Variants in ARHGAP21 observed in about 807,000 individuals in gnomAD.
ARHGAP21 encodes rho GTPase-activating protein 21.
Under a neutral mutation model 164.6 loss-of-function variants are expected in ARHGAP21, and 38 were observed. That is an observed-to-expected ratio of 0.23 (90% CI 0.18 to 0.30). The LOEUF (loss-of-function observed/expected upper bound fraction) is 0.30. Ranked by LOEUF, ARHGAP21 falls within the 10% of genes least tolerant of loss-of-function variation. The probability of loss-of-function intolerance (pLI) is 1.00; values close to 1 mark genes in which losing one functional copy is unlikely to be tolerated. For synonymous variants in ARHGAP21, 766 were observed against 857.9 expected, an observed-to-expected ratio of 0.89 and a Z score of 1.87; for missense variants, 1,822 against 2,370.7, an observed-to-expected ratio of 0.77 and a Z score of 4.81.
In ARHGAP21 at chr10:24,596,876, G is replaced by A. The variant is rs746946721; in HGVS notation, c.3341C>T (p.Thr1114Ile). Residue 1114 changes from threonine (T) to isoleucine (I), a missense_variant, in exon 17 of 26, where the codon ACC (threonine) becomes ATC (isoleucine). This residue lies in a region of ARHGAP21 where 1,090 missense variants were observed against 1,378.9 expected (regional missense o/e 0.79). Transcript: ENST00000396432. ...SERKLLSKDDTSPPKDKGTWR... is the reference protein window; with the variant it reads ...SERKLLSKDDISPPKDKGTWR... ...TGTGCCTTTGTCTTTTGGGGGACTG[G>A]TATCATCTTTTGATTGCCAGTCAAA... 39 of 1,597,352 alleles carry A rather than the reference G, an allele frequency of 2.4e-5. No individual in the cohort carries two copies. The highest frequency in any genetic ancestry group is 4.3e-6 in the Non-Finnish European group (5 of 1,175,806).
intron 2 of ARHGAP21, among the ~76,000 whole-genome samples, chr10:24,694,855 C>T (rs1001777493): frequency 6.6e-6 from 1 of 151,866 alleles, no homozygotes; most frequent in African/African-American, 2.4e-5. Context: ...AGTTCAAAAC[C>T]AGCCTGGCCA....
intron 2 of ARHGAP21, among the ~76,000 whole-genome samples, chr10:24,710,991 G>A (rs1230848687): frequency 6.6e-6 from 1 of 151,114 alleles, no homozygotes; most frequent in East Asian, 2.0e-4. Flanking sequence ...CTACTTGGGA[G>A]GCTGAGGCAG....
chr10:24,614,755 G>A (rs1318633741), intron 9 of ARHGAP21, among the ~76,000 whole-genome samples: 2 of 142,138 alleles, frequency 1.4e-5, no homozygotes, highest in African/African-American at 2.6e-5. Context: ...TGCACTCCAG[G>A]CTGGGTGACA....
rs528081080 is a variant in ARHGAP21 at position 24,705,818 on chromosome 10, G to A, written c.63+16019C>T. On this transcript the variant is annotated intron_variant, in intron 2 of 25. Coordinates refer to ENST00000396432, the MANE Select transcript of ARHGAP21 (RefSeq NM_020824.4). ...AACTGGAACAAAAGCTATCATTCAC[G>A]TTGCTTTCTATTCTGTAAAAGAAGC... is the stretch of plus-strand genomic sequence containing the variant. Among the ~76,000 whole-genome samples, 38 of 152,194 alleles carry A rather than the reference G, an allele frequency of 2.5e-4. No homozygotes were observed. In the East Asian group the frequency reaches 5.4e-3, roughly 22 times the overall value.
At chr10:24,631,285 A>C (rs1309633776) in intron 6 of ARHGAP21, among the ~76,000 whole-genome samples, 2 of 152,124 alleles carry the variant, frequency 1.3e-5, no homozygotes, top group Non-Finnish European at 2.9e-5. Context: ...AATTGCTTGA[A>C]CCTGGGAGGC....
At chr10:24,676,340 T>C (rs960114244) in intron 2 of ARHGAP21, among the ~76,000 whole-genome samples, 1 of 152,240 alleles carries the variant, frequency 6.6e-6, no homozygotes, top group African/African-American at 2.4e-5. Flanking sequence ...GTTACAAAAG[T>C]GTACTGCATT....
Position 24,590,506 on chromosome 10 carries a change from T to C in ARHGAP21, c.4150+719A>G, listed in dbSNP as rs1234160568. ...TGTTCAACATCAGTATAGATTTGCC[T>C]GTGTCAGTAAGAGCTGAAAAAACCC... is the stretch of plus-strand genomic sequence containing the variant. On this transcript the variant is annotated intron_variant, in intron 24 of 25. Coordinates refer to ENST00000396432, the MANE Select transcript of ARHGAP21 (RefSeq NM_020824.4). The C allele has an allele frequency of 2.6e-6, 4 of 1,533,012 alleles. No individual in the cohort carries two copies. In the Admixed American group the frequency reaches 7.9e-5, roughly 30 times the overall value. The allele number at this position is 1,533,012 out of a possible 1,614,324, so 95.0% of individuals were successfully genotyped here.
At chr10:24,683,686 C>T (rs1841980482) in intron 2 of ARHGAP21, among the ~76,000 whole-genome samples, 1 of 152,054 alleles carries the variant, frequency 6.6e-6, no homozygotes, top group South Asian at 2.1e-4. Flanking sequence ...ACTCAGAAAC[C>T]TGGTCTAGGC....
At chr10:24,650,622 A>G (rs56214051) in intron 4 of ARHGAP21, among the ~76,000 whole-genome samples, 29,184 of 152,162 alleles carry the variant, frequency 0.19, 3,111 homozygotes, top group Middle Eastern at 0.37. Flanking sequence ...GTTCAAAATA[A>G]AAGATTAAAC....
chr10:24,648,647 G>C (rs961874296), intron 4 of ARHGAP21, among the ~76,000 whole-genome samples: 3 of 152,238 alleles, frequency 2.0e-5, no homozygotes. Context: ...AGGCGTGGTG[G>C]TAGGTGCCTA....
At chr10:24,640,634 T>A (rs1836905764) in intron 4 of ARHGAP21, among the ~76,000 whole-genome samples, 1 of 152,106 alleles carries the variant, frequency 6.6e-6, no homozygotes, top group African/African-American at 2.4e-5. Flanking sequence ...GCATCAGCTA[T>A]TTAAGGGAAA....
At chr10:24,596,135 A>C (rs1224151142) in intron 17 of ARHGAP21, 92 bp from the exon 18 acceptor site, 4 of 1,109,714 alleles carry the variant, frequency 3.6e-6, no homozygotes, top group African/African-American at 1.6e-5. Flanking sequence ...ATCCAAAAGG[A>C]AACATAAATT....
intron 1 of ARHGAP21, 31 bp downstream of exon 1, chr10:24,723,531 G>C (rs1053157016): frequency 2.7e-5 from 4 of 147,322 alleles, no homozygotes; most frequent in African/African-American, 9.8e-5. Context: ...GCGCCCTCTC[G>C]GCTGAGACGG....
chr10:24,620,674 T>C lies in ARHGAP21; in HGVS notation c.1221A>G (p.Thr407=). Residue 407 remains threonine (T), a synonymous_variant, in exon 9 of 26, where the codon ACA becomes ACG. Coordinates refer to ENST00000396432, the MANE Select transcript of ARHGAP21 (RefSeq NM_020824.4). ...TTAAACTATCTAATCTTTCTTGTAT[T>C]GTCCGACAACCTATGTGCAATCGTC... is the stretch of plus-strand genomic sequence containing the variant. The part of the protein sequence containing the change: ...DNRRLHIGCR[T]IQERLDSLRA... The C allele has an allele frequency of 1.2e-6, 2 of 1,614,222 alleles. No homozygotes were observed. The highest frequency in any genetic ancestry group is 1.7e-6 in the Non-Finnish European group (2 of 1,180,032).
Position 24,591,700 on chromosome 10 carries a change from G to A in ARHGAP21, c.4003-17C>T. 2 of 1,613,716 alleles carry A rather than the reference G, an allele frequency of 1.2e-6. No individual in the cohort carries two copies. The highest frequency in any genetic ancestry group is 1.7e-6 in the Non-Finnish European group (2 of 1,179,674). ...CCAGTCATGCTAAAATTTAAAAAAGGTGAGAAGAGAAATTAAACAAGCCTT... is the reference window on the plus strand; with the variant it reads ...CCAGTCATGCTAAAATTTAAAAAAGATGAGAAGAGAAATTAAACAAGCCTT... On this transcript the variant is annotated splice_polypyrimidine_tract_variant and intron_variant, in intron 22 of 25. Coordinates refer to ENST00000396432, the MANE Select transcript of ARHGAP21 (RefSeq NM_020824.4).
intron 2 of ARHGAP21, among the ~76,000 whole-genome samples, chr10:24,697,456 G>T (rs571213446): frequency 6.6e-6 from 1 of 151,888 alleles, no homozygotes; most frequent in South Asian, 2.1e-4. Flanking sequence ...GGCTCCCCTC[G>T]TTTCCTTTCA....
At chr10:24,695,050 CAAAAAAAAA>C (rs570457905) in intron 2 of ARHGAP21, among the ~76,000 whole-genome samples, 1 of 78,506 alleles carries the variant, frequency 1.3e-5, no homozygotes, top group African/African-American at 4.9e-5. Context: ...AATTCCATCT[CAAAAAAAAA>C]AAAAAAAAAA....
At chr10:24,715,599 A>G (rs779562622) in intron 2 of ARHGAP21, among the ~76,000 whole-genome samples, 1 of 152,228 alleles carries the variant, frequency 6.6e-6, no homozygotes, top group Non-Finnish European at 1.5e-5. Flanking sequence ...AGGTGCAAAG[A>G]AAAAAGGCAC....
At chr10:24,666,942 G>T (rs754809264) in intron 4 of ARHGAP21, 43 bp downstream of exon 4, 12 of 1,371,892 alleles carry the variant, frequency 8.7e-6, no homozygotes, top group Non-Finnish European at 1.1e-5. Flanking sequence ...AAAGAAATGG[G>T]TAGAAAAACA....
Sources: gnomAD v4.1 joint callset for allele counts (sites outside exome capture counted in the v4.1 genomes callset) on GRCh38, gnomAD v4.1.1 for gene constraint, gnomAD v4.1.1 regional missense constraint, MANE v1.5 for transcripts, NCBI Gene and HGNC (gene_info 2026-07-23, HGNC 2026-07-21) for gene names.